DPP6: variants seen among roughly 807,000 people sequenced by gnomAD.
DPP6 encodes dipeptidyl peptidase like 6, also known as A-type potassium channel modulatory protein DPP6.
In DPP6, 69 loss-of-function variants were observed where a neutral mutation model predicts 122.6. That is an observed-to-expected ratio of 0.56 (90% CI 0.46 to 0.69). The LOEUF is 0.69. DPP6 is among the 30% of genes least tolerant of loss of function. The pLI is 0.00. For missense variants in DPP6, 928 were observed against 1,116.9 expected (o/e 0.83, Z 2.41); for synonymous variants, 418 against 433.1 (o/e 0.97, Z 0.43).
chr7:154,345,536 G>A (rs1472391373), intron 1 of DPP6, among the ~76,000 whole-genome samples: 1 of 152,090 alleles, frequency 6.6e-6, no homozygotes, highest in African/African-American at 2.4e-5. Flanking sequence ...AGATCCATTT[G>A]CTGATACAGG....
intron 1 of DPP6, among the ~76,000 whole-genome samples, chr7:153,965,956 G>A (rs1226818874): frequency 2.0e-5 from 3 of 151,574 alleles, no homozygotes; most frequent in Non-Finnish European, 1.5e-5. Context: ...TGATGATGAA[G>A]TTCCCTACAG....
intron 1 of DPP6, among the ~76,000 whole-genome samples, chr7:154,157,805 T>C (rs2150700745): frequency 6.6e-6 from 1 of 152,024 alleles, no homozygotes; most frequent in South Asian, 2.1e-4. Context: ...TGGTGGCACA[T>C]GCCTGTAATC....
intron 1 of DPP6, among the ~76,000 whole-genome samples, chr7:154,356,457 C>T (rs180748541): frequency 6.6e-6 from 1 of 152,118 alleles, no homozygotes; most frequent in African/African-American, 2.4e-5. Context: ...AATCCCAGCA[C>T]TTTGGGAGGC....
intron 6 of DPP6, among the ~76,000 whole-genome samples, chr7:154,659,805 A>T (rs1837498728): frequency 6.6e-6 from 1 of 152,248 alleles, no homozygotes; most frequent in African/African-American, 2.4e-5. Flanking sequence ...AGACTGAGAA[A>T]GATTGAGAGG....
intron 3 of DPP6, among the ~76,000 whole-genome samples, chr7:154,539,365 T>C (rs1379649594): frequency 6.6e-6 from 1 of 152,206 alleles, no homozygotes; most frequent in Non-Finnish European, 1.5e-5. Context: ...TGTGCTTACT[T>C]ACTATTTTTG....
chr7:154,237,718 G>A (rs1256568473), intron 1 of DPP6, among the ~76,000 whole-genome samples: 1 of 152,148 alleles, frequency 6.6e-6, no homozygotes, highest in African/African-American at 2.4e-5. Flanking sequence ...TCCTGGCCCA[G>A]CAGATGCTTC....
At chr7:154,569,994 C>T (rs1223332572) in intron 5 of DPP6, among the ~76,000 whole-genome samples, 1 of 151,868 alleles carries the variant, frequency 6.6e-6, no homozygotes, top group Non-Finnish European at 1.5e-5. Context: ...TGAATGTCAG[C>T]TCTCCTACAC....
intron 21 of DPP6, chr7:154,884,999 T>G (rs1264450001): frequency 6.6e-6 from 1 of 152,556 alleles, no homozygotes; most frequent in Non-Finnish European, 1.5e-5. Flanking sequence ...GGGTCTTCCC[T>G]TCGGAGGCTG....
At chr7:154,194,052 A>C (rs1367052148) in intron 1 of DPP6, among the ~76,000 whole-genome samples, 1 of 152,226 alleles carries the variant, frequency 6.6e-6, no homozygotes, top group Non-Finnish European at 1.5e-5. Flanking sequence ...TCGTCAGAGA[A>C]GCTGTTAAAC....
At chr7:154,460,226 C>A (rs898117891) in intron 2 of DPP6, among the ~76,000 whole-genome samples, 11 of 152,126 alleles carry the variant, frequency 7.2e-5, no homozygotes, top group African/African-American at 2.7e-4. Flanking sequence ...AGGTGATCCA[C>A]CCGCCTTGGC....
At chr7:154,449,596 G>A (rs1047326894) in intron 2 of DPP6, among the ~76,000 whole-genome samples, 4 of 152,074 alleles carry the variant, frequency 2.6e-5, no homozygotes, top group East Asian at 1.9e-4. Flanking sequence ...ATAGACTCAC[G>A]AAAACTGGAA....
intron 7 of DPP6, among the ~76,000 whole-genome samples, chr7:154,681,193 C>T (rs985917595): frequency 1.3e-5 from 2 of 152,200 alleles, no homozygotes; most frequent in African/African-American, 4.8e-5. Context: ...GCCTGACCTG[C>T]TTGCCCACGT....
At chr7:153,827,579 A>G in the DPP6 span, among the ~76,000 whole-genome samples, 6 of 152,268 alleles carry the variant, frequency 3.9e-5, no homozygotes, top group East Asian at 9.7e-4. Flanking sequence ...AGTGTGTGCA[A>G]ACAAACATGC....
intron 22 of DPP6, 92 bp downstream of exon 22, chr7:154,885,836 A>T: frequency 6.8e-7 from 1 of 1,479,292 alleles, no homozygotes; most frequent in Non-Finnish European, 9.0e-7. Flanking sequence ...CTTCAGCACC[A>T]CCGTCCCGCT....
chr7:154,467,746 G>C (rs998568078), intron 2 of DPP6, among the ~76,000 whole-genome samples: 3 of 152,158 alleles, frequency 2.0e-5, no homozygotes, highest in Non-Finnish European at 4.4e-5. Flanking sequence ...TTAAGAATCT[G>C]CGGATCTTCT....
At chr7:154,197,792 C>T (rs1160765224) in intron 1 of DPP6, among the ~76,000 whole-genome samples, 1 of 152,148 alleles carries the variant, frequency 6.6e-6, no homozygotes, top group Non-Finnish European at 1.5e-5. Context: ...TTTAGAATGT[C>T]GTTGCTTTGC....
intron 8 of DPP6, among the ~76,000 whole-genome samples, chr7:154,763,374 G>GAA (rs1343387047): frequency 3.1e-4 from 46 of 150,388 alleles, no homozygotes; most frequent in African/African-American, 1.0e-3. Flanking sequence ...GAGAGAGAGA[G>GAA]AGAAAGAAAG....
chr7:154,533,379 A>T (rs534266765), intron 3 of DPP6, among the ~76,000 whole-genome samples: 2 of 152,312 alleles, frequency 1.3e-5, no homozygotes, highest in African/African-American at 4.8e-5. Context: ...TTCAACACCG[A>T]CCTAAGAAGA....
At chr7:153,914,965 TCTTGTC>T (rs1800243364) in intron 1 of DPP6, among the ~76,000 whole-genome samples, 2 of 152,244 alleles carry the variant, frequency 1.3e-5, no homozygotes, top group African/African-American at 4.8e-5. Flanking sequence ...TTTCAAACTA[TCTTGTC>T]CTTGTCTAGC....
Sources: allele counts gnomAD v4.1 joint callset (sites outside exome capture counted in the v4.1 genomes callset), GRCh38; gene constraint gnomAD v4.1.1; transcripts MANE v1.5; gene names NCBI Gene and HGNC (gene_info 2026-07-23, HGNC 2026-07-21).